Variants in DENND10 observed in about 807,000 individuals in gnomAD.
The protein encoded by DENND10 is DENN domain containing 10, also known as DENN domain-containing protein 10.
In DENND10, 24 loss-of-function variants were observed where a neutral mutation model predicts 43.6. That is an observed-to-expected ratio of 0.55 (90% CI 0.40 to 0.77). The LOEUF is 0.77. DENND10 is among the 30% of genes least tolerant of loss of function. DENND10 has a pLI of 0.00. For missense variants in DENND10, 303 were observed against 429.9 expected, an observed-to-expected ratio of 0.70 and a Z score of 2.61; for synonymous variants, 125 against 157.6, an observed-to-expected ratio of 0.79 and a Z score of 1.55.
At chr10:119,110,616 CTGGCTAATTTT>C (rs1844931329) in intron 2 of DENND10, among the ~76,000 whole-genome samples, 1 of 152,086 alleles carries the variant, frequency 6.6e-6, no homozygotes, top group Admixed American at 6.6e-5. Context: ...GCCACCATTC[CTGGCTAATTTT>C]TGTAGTTTTA....
At chr10:119,112,745 T>C (rs572250069) in intron 3 of DENND10, among the ~76,000 whole-genome samples, 3 of 152,242 alleles carry the variant, frequency 2.0e-5, no homozygotes, top group Non-Finnish European at 4.4e-5. Context: ...TCTGCTCATG[T>C]TGGCCTCCCA....
In DENND10 at chr10:119,132,762, T is replaced by C; in HGVS notation, c.897+153T>C. ...GGTTTACAGACGGCCACAGTGATGA[T>C]GGACAAGCAGGTGCAGGCTGGCCTG... On this transcript the variant is annotated intron_variant, in intron 8 of 8. Transcript: ENST00000361432. The surrounding 1 kb of genome is among the most constrained non-coding windows in gnomAD (Gnocchi z 4.2). 1 of 674,216 alleles carries C rather than the reference T, an allele frequency of 1.5e-6. No individual in the cohort carries two copies. Among genetic ancestry groups the C allele is most frequent in the Non-Finnish European group, 2.7e-6 (1 of 375,558 alleles). The allele number at this position is 674,216 out of a possible 1,614,324, so 41.8% of individuals were successfully genotyped here. A position where few individuals can be genotyped will look rare whatever the true frequency, so the allele number is the denominator to read the frequency against.
intron 3 of DENND10, among the ~76,000 whole-genome samples, chr10:119,115,520 T>TG (rs1305417248): frequency 9.3e-6 from 1 of 107,886 alleles, no homozygotes; most frequent in Non-Finnish European, 2.0e-5. Flanking sequence ...CCCAAGTAGC[T>TG]GGGACGACAG....
chr10:119,112,446 A>T (rs924508841), intron 3 of DENND10, among the ~76,000 whole-genome samples: 24 of 150,196 alleles, frequency 1.6e-4, no homozygotes, highest in Non-Finnish European at 2.7e-4. Context: ...TGAAAAATTT[A>T]TCTAAAATAT....
At chr10:119,116,665 C>CTTTTTTTT (rs71016543) in intron 3 of DENND10, among the ~76,000 whole-genome samples, 1 of 132,200 alleles carries the variant, frequency 7.6e-6, no homozygotes, top group African/African-American at 2.7e-5. Flanking sequence ...TTCTTTCTTT[C>CTTTTTTTT]TTTTTTTTTT....
intron 6 of DENND10, 139 bp downstream of exon 6, chr10:119,123,708 C>T: frequency 1.5e-6 from 1 of 658,310 alleles, no homozygotes; most frequent in South Asian, 1.8e-5. Context: ...CTTCAATTCT[C>T]CTGCCTTAGC....
Position 119,132,002 on chromosome 10 carries a change from A to G in DENND10, c.803-513A>G, listed in dbSNP as rs528534724. Among the ~76,000 whole-genome samples, 24 of 152,318 alleles carry G rather than the reference A, an allele frequency of 1.6e-4. No homozygotes were observed. Among genetic ancestry groups the G allele is most frequent in the South Asian group, 4.1e-4 (2 of 4,830 alleles). On this transcript the variant is annotated intron_variant, in intron 7 of 8. Transcript: ENST00000361432. This position sits in a 1 kb window ranked among gnomAD's most constrained non-coding sequence, Gnocchi z 4.2. Reference sequence around the variant, plus strand: ...GTTTCTGTTAACCTCCTCAGTGCAGACAGTAGCAATGTATGTAACCAGGCT... The same window carrying G: ...GTTTCTGTTAACCTCCTCAGTGCAGGCAGTAGCAATGTATGTAACCAGGCT...
chr10:119,122,562 T>A (rs1845625789), intron 5 of DENND10, among the ~76,000 whole-genome samples: 1 of 152,164 alleles, frequency 6.6e-6, no homozygotes, highest in Non-Finnish European at 1.5e-5. Context: ...TTCTATCCCA[T>A]CACCTTTTCC....
At chr10:119,121,241 G>T (rs890853365) in intron 5 of DENND10, among the ~76,000 whole-genome samples, 9 of 151,982 alleles carry the variant, frequency 5.9e-5, no homozygotes, top group African/African-American at 1.9e-4. Flanking sequence ...GATTTTTAAA[G>T]ATTTTTTGTT....
At chr10:119,135,813 A>C (rs1846321268) in intron 8 of DENND10, among the ~76,000 whole-genome samples, 2 of 150,500 alleles carry the variant, frequency 1.3e-5, no homozygotes, top group South Asian at 4.2e-4. Flanking sequence ...AAAAAAAAAA[A>C]AAACCAAAAC....
At chr10:119,124,545 A>G (rs1040544383) in intron 6 of DENND10, among the ~76,000 whole-genome samples, 3 of 151,966 alleles carry the variant, frequency 2.0e-5, no homozygotes, top group Non-Finnish European at 4.4e-5. Context: ...TGTCTCCAGA[A>G]AAAAAGATTT....
intron 6 of DENND10, among the ~76,000 whole-genome samples, chr10:119,126,954 A>G (rs1845865493): frequency 6.8e-6 from 1 of 146,342 alleles, no homozygotes; most frequent in African/African-American, 2.5e-5. Flanking sequence ...GCTGGAGTGC[A>G]GTGGCTCAGT....
chr10:119,128,879 C>T (rs986512563), intron 6 of DENND10, among the ~76,000 whole-genome samples: 9 of 152,186 alleles, frequency 5.9e-5, no homozygotes, highest in East Asian at 5.8e-4. Flanking sequence ...GGTGCTAAAC[C>T]GCTCATAAGA....
At chr10:119,113,148 G>A (rs1845059194) in intron 3 of DENND10, among the ~76,000 whole-genome samples, 1 of 150,990 alleles carries the variant, frequency 6.6e-6, no homozygotes, top group Non-Finnish European at 1.5e-5. Flanking sequence ...ACCGCACCCT[G>A]CCTTGCAGGG....
chr10:119,127,530 G>A (rs1845889607), intron 6 of DENND10, among the ~76,000 whole-genome samples: 1 of 152,044 alleles, frequency 6.6e-6, no homozygotes, highest in South Asian at 2.1e-4. Context: ...CCAGGCTGGA[G>A]TGCAGTGGCG....
intron 6 of DENND10, among the ~76,000 whole-genome samples, chr10:119,125,128 T>G (rs941102526): frequency 2.0e-5 from 3 of 151,936 alleles, no homozygotes; most frequent in African/African-American, 7.3e-5. Context: ...CCTGCCACCA[T>G]GCCCAGCTAA....
At chr10:119,120,266 A>C (rs1170143211) in intron 4 of DENND10, 75 bp from the exon 5 acceptor site, 3 of 991,098 alleles carry the variant, frequency 3.0e-6, no homozygotes, top group African/African-American at 1.7e-5. Flanking sequence ...AAGAAAAAAG[A>C]AAAAAAGAAA....
At chr10:119,120,288 A>G in intron 4 of DENND10, 53 bp from the exon 5 acceptor site, 1 of 1,103,282 alleles carries the variant, frequency 9.1e-7, no homozygotes, top group South Asian at 1.4e-5. Flanking sequence ...AAAAATCTTT[A>G]TTTCTTTGCA....
chr10:119,136,207 T>G (rs1353815187), intron 8 of DENND10, among the ~76,000 whole-genome samples: 1 of 150,816 alleles, frequency 6.6e-6, no homozygotes, highest in African/African-American at 2.4e-5. Flanking sequence ...GGAGTTATCT[T>G]TTTTGTTGTT....
Sources: allele counts gnomAD v4.1 joint callset (sites outside exome capture counted in the v4.1 genomes callset), GRCh38; gene constraint gnomAD v4.1.1; non-coding constraint Gnocchi (gnomAD v3.1); transcripts MANE v1.5; gene names NCBI Gene and HGNC (gene_info 2026-07-23, HGNC 2026-07-21).